Variants in ZNF91 observed in about 807,000 individuals in gnomAD.
The protein encoded by ZNF91 is zinc finger protein 91 (HPF7, HTF10).
ZNF91 carries 7 observed loss-of-function variants against 12.6 expected under a neutral mutation model. The ratio of observed to expected loss-of-function variants is 0.55; its 90% CI spans 0.31 to 1.04. The LOEUF is 1.04. ZNF91 is among the 50% of genes least tolerant of loss of function. The probability of loss-of-function intolerance (pLI) is 0.05; values close to 1 mark genes in which losing one functional copy is unlikely to be tolerated. For synonymous variants in ZNF91, 453 were observed against 462.6 expected, an observed-to-expected ratio of 0.98 and a Z score of 0.27; for missense variants, 1,217 against 1,385.4, an observed-to-expected ratio of 0.88 and a Z score of 1.93.
downstream of ZNF91, among the ~76,000 whole-genome samples, chr19:23,354,859 C>G (rs1968448470): frequency 6.6e-6 from 1 of 151,872 alleles, no homozygotes; most frequent in South Asian, 2.1e-4. Context: ...AGAACTCAAC[C>G]TCTTTTACAA....
intron 3 of ZNF91, among the ~76,000 whole-genome samples, chr19:23,365,855 C>G (rs997841933): frequency 7.2e-5 from 11 of 152,276 alleles, no homozygotes; most frequent in African/African-American, 2.6e-4. Context: ...GTGGACACAG[C>G]ACATGTTTCA....
intron 2 of ZNF91, among the ~76,000 whole-genome samples, chr19:23,374,169 A>G (rs1197615039): frequency 6.6e-6 from 1 of 152,110 alleles, no homozygotes; most frequent in Non-Finnish European, 1.5e-5. Context: ...TCAGGTCAAG[A>G]TGAAACATCT....
intron 1 of ZNF91, among the ~76,000 whole-genome samples, chr19:23,378,644 TAAC>T (rs1568399194): frequency 6.6e-6 from 1 of 152,136 alleles, no homozygotes; most frequent in African/African-American, 2.4e-5. Context: ...ATACAAATAA[TAAC>T]TTTTTTGTTT....
intron 1 of ZNF91, among the ~76,000 whole-genome samples, chr19:23,394,413 G>A (rs1005113648): frequency 1.3e-5 from 2 of 152,090 alleles, no homozygotes; most frequent in African/African-American, 2.4e-5. Context: ...ACATAAGAAG[G>A]ATATTTCCAC....
chr19:23,394,867 T>C (rs1306925580), intron 1 of ZNF91, among the ~76,000 whole-genome samples: 1 of 152,248 alleles, frequency 6.6e-6, no homozygotes, highest in Non-Finnish European at 1.5e-5. Flanking sequence ...CTGGGTGCTC[T>C]ACAATGTTTG....
At chr19:23,339,940 C>A in intron 3 of ZNF91, 2 of 105,286 alleles carry the variant, frequency 1.9e-5, no homozygotes, top group East Asian at 3.7e-4. Flanking sequence ...TAAAACCTAT[C>A]TCAAAAAAAA....
chr19:23,348,278 T>C (rs978966622), intron 3 of ZNF91, among the ~76,000 whole-genome samples: 2 of 152,322 alleles, frequency 1.3e-5, no homozygotes, highest in African/African-American at 4.8e-5. Context: ...TATGGCTGAA[T>C]GTTGCGGGAA....
intron 3 of ZNF91, among the ~76,000 whole-genome samples, chr19:23,363,214 T>A (rs1195876046): frequency 6.6e-6 from 1 of 152,202 alleles, no homozygotes; most frequent in African/African-American, 2.4e-5. Flanking sequence ...CAACTCCTGG[T>A]TTATGTTTTA....
chr19:23,317,649 G>A (rs1264727344), intron 1 of ZNF91, among the ~76,000 whole-genome samples: 2 of 152,102 alleles, frequency 1.3e-5, no homozygotes, highest in Non-Finnish European at 2.9e-5. Context: ...GGTTCTGAAC[G>A]TCACATTTGG....
intron 3 of ZNF91, among the ~76,000 whole-genome samples, chr19:23,369,337 G>C (rs1969164197): frequency 6.6e-6 from 1 of 151,308 alleles, no homozygotes; most frequent in South Asian, 2.1e-4. Context: ...GCCCGGGAGG[G>C]AGGTGGGGGG....
intron 3 of ZNF91, among the ~76,000 whole-genome samples, chr19:23,364,309 T>A (rs1968917432): frequency 6.6e-6 from 1 of 152,176 alleles, no homozygotes. Context: ...TAGCTGTGCG[T>A]GGTGGCACAT....
At chr19:23,383,381 T>C (rs963253570) in intron 1 of ZNF91, among the ~76,000 whole-genome samples, 4 of 152,090 alleles carry the variant, frequency 2.6e-5, no homozygotes. Context: ...AGCCCCAATA[T>C]ACTGAATAAA....
At chr19:23,366,055 C>T (rs1321028306) in intron 3 of ZNF91, among the ~76,000 whole-genome samples, 3 of 152,280 alleles carry the variant, frequency 2.0e-5, no homozygotes, top group Non-Finnish European at 4.4e-5. Flanking sequence ...CCACTGTCAT[C>T]ATGGCCCGTT....
intron 1 of ZNF91, among the ~76,000 whole-genome samples, chr19:23,319,444 A>G (rs1242335386): frequency 6.6e-6 from 1 of 152,138 alleles, no homozygotes; most frequent in Non-Finnish European, 1.5e-5. Context: ...TTGGCCCAGC[A>G]CCTATGTGAT....
At chr19:23,331,422 C>G (rs1394012052) in intron 1 of ZNF91, among the ~76,000 whole-genome samples, 1 of 152,164 alleles carries the variant, frequency 6.6e-6, no homozygotes, top group Non-Finnish European at 1.5e-5. Context: ...CTGTAATATG[C>G]CTATTCTTTG....
chr19:23,377,204 C>T (rs1311355296), intron 1 of ZNF91, among the ~76,000 whole-genome samples: 1 of 152,148 alleles, frequency 6.6e-6, no homozygotes, highest in Admixed American at 6.5e-5. Context: ...TCCTGGACCA[C>T]CCTTTAGTGC....
At chr19:23,382,692 A>G (rs2145121967) in intron 1 of ZNF91, among the ~76,000 whole-genome samples, 1 of 152,338 alleles carries the variant, frequency 6.6e-6, no homozygotes, top group South Asian at 2.1e-4. Context: ...ATTACCACTG[A>G]CCCCACAAAA....
At chr19:23,350,548 T>C (rs1457733060) in intron 3 of ZNF91, among the ~76,000 whole-genome samples, 3 of 152,178 alleles carry the variant, frequency 2.0e-5, no homozygotes, top group Admixed American at 2.0e-4. Context: ...GCCACCCCTA[T>C]GTCATGCCTG....
intron 3 of ZNF91, chr19:23,342,186 T>C (rs541713518): frequency 2.2e-5 from 12 of 540,870 alleles, no homozygotes; most frequent in Admixed American, 7.3e-5. Context: ...AGCTGACTAC[T>C]GTCTCATGTC....
Sources: allele counts gnomAD v4.1 joint callset (sites outside exome capture counted in the v4.1 genomes callset), GRCh38; gene constraint gnomAD v4.1.1; transcripts MANE v1.5; gene names NCBI Gene and HGNC (gene_info 2026-07-23, HGNC 2026-07-21).